UTY: variants seen among roughly 807,000 people sequenced by gnomAD.
The protein encoded by UTY is ubiquitously transcribed tetratricopeptide repeat containing, Y-linked, also known as histone demethylase UTY.
Under a neutral mutation model 32.5 loss-of-function variants are expected in UTY, and 12 were observed. The observed-to-expected ratio is 0.37, with a 90% confidence interval of 0.24 to 0.60. The LOEUF is 0.60. Ranked by LOEUF, UTY falls within the 20% of genes least tolerant of loss-of-function variation. UTY has a pLI of 0.69. For missense variants in UTY, 303 were observed against 299.2 expected (o/e 1.01, Z -0.09); for synonymous variants, 131 against 103.4 (o/e 1.27, Z -1.62).
intron 17 of UTY, among the ~76,000 whole-genome samples, chrY:13,352,814 G>T (rs2062530688): frequency 2.9e-5 from 1 of 34,032 alleles, no homozygotes; most frequent in South Asian, 6.4e-4. Flanking sequence ...AGTTTTAGTG[G>T]TCTAGATAAA....
At chrY:13,471,096 G>C (rs2078440364) in intron 2 of UTY, among the ~76,000 whole-genome samples, 1 of 33,806 alleles carries the variant, frequency 3.0e-5, no homozygotes, top group South Asian at 6.3e-4. Context: ...GCTGCAAATA[G>C]AGTTGTTACT....
intron 18 of UTY, among the ~76,000 whole-genome samples, chrY:13,334,731 T>C (rs2060935551): frequency 3.0e-5 from 1 of 33,419 alleles, no homozygotes; most frequent in Non-Finnish European, 7.4e-5. Flanking sequence ...AATAGTATGC[T>C]TTTACACTGT....
chrY:13,355,701 A>C lies in UTY; in HGVS notation c.1665+222T>G, dbSNP rs2062821720. 1.2e-5 allele frequency: 4 copies of C among 343,793 alleles called. No individual in the cohort carries two copies. In the African/African-American group the frequency reaches 2.1e-4, roughly 18 times the overall value. 85.8% of individuals were successfully genotyped at this position (343,793 alleles called of 400,897 possible). The stretch of plus-strand genomic sequence containing the variant: ...TCCATTCAGTTTACATTCTTGTCAA[A>C]TCCTTCAAATCAATCATTTGGATCT... On this transcript the variant is annotated intron_variant, in intron 16 of 29. Coordinates refer to ENST00000545955, the MANE Select transcript of UTY (RefSeq NM_001258249.2).
At chrY:13,292,355 A>G (rs2057804491) in intron 27 of UTY, among the ~76,000 whole-genome samples, 1 of 28,985 alleles carries the variant, frequency 3.5e-5, no homozygotes, top group Non-Finnish European at 8.2e-5. Flanking sequence ...AGGCCGAGGC[A>G]GGAGAATTGC....
At chrY:13,462,592 G>A in intron 3 of UTY, among the ~76,000 whole-genome samples, 1 of 32,806 alleles carries the variant, frequency 3.0e-5, no homozygotes, top group African/African-American at 1.2e-4. Context: ...GGACATGCAG[G>A]TTGTAGCAGG....
chrY:13,394,832 T>A (rs2067955700), intron 7 of UTY, among the ~76,000 whole-genome samples: 1 of 32,657 alleles, frequency 3.1e-5, no homozygotes, highest in African/African-American at 1.2e-4. Flanking sequence ...AAATTATACC[T>A]GGGAGGGTTG....
intron 18 of UTY, among the ~76,000 whole-genome samples, chrY:13,335,045 C>T (rs2060955561): frequency 6.0e-5 from 2 of 33,144 alleles, no homozygotes; most frequent in South Asian, 6.8e-4. Context: ...TGTGGAGACA[C>T]GGATGAAGCC....
chrY:13,414,063 C>T (rs567765817), intron 5 of UTY, among the ~76,000 whole-genome samples: 12 of 34,180 alleles, frequency 3.5e-4, no homozygotes, highest in African/African-American at 9.1e-4. Flanking sequence ...TTCTGCCTTT[C>T]GATTCCAATG....
chrY:13,282,125 T>C, intron 27 of UTY, among the ~76,000 whole-genome samples: 1 of 33,684 alleles, frequency 3.0e-5, no homozygotes, highest in Non-Finnish European at 7.3e-5. Context: ...CTTTTGAAAG[T>C]ATAAAAGCAA....
chrY:13,343,388 C>G, intron 17 of UTY, among the ~76,000 whole-genome samples: 1 of 32,554 alleles, frequency 3.1e-5, no homozygotes, highest in Non-Finnish European at 7.5e-5. Flanking sequence ...ATATCAAGAA[C>G]TTTTGTGTGG....
chrY:13,467,001 G>A, intron 3 of UTY, among the ~76,000 whole-genome samples: 1 of 33,892 alleles, frequency 3.0e-5, no homozygotes, highest in African/African-American at 1.2e-4. Flanking sequence ...TGCCTCCAGG[G>A]TTCAGGCAAT....
chrY:13,256,585 AC>A (rs2054750224), intron 28 of UTY, among the ~76,000 whole-genome samples: 1 of 33,981 alleles, frequency 2.9e-5, no homozygotes, highest in Admixed American at 2.7e-4. Flanking sequence ...GGGTCTAGTA[AC>A]GGTAAAGCTT....
chrY:13,463,027 C>T, intron 3 of UTY, among the ~76,000 whole-genome samples: 1 of 28,973 alleles, frequency 3.5e-5, no homozygotes, highest in Non-Finnish European at 8.2e-5. Context: ...CCCCCCAACC[C>T]CACAACAGGC....
At chrY:13,386,618 C>T in intron 8 of UTY, among the ~76,000 whole-genome samples, 1 of 32,362 alleles carries the variant, frequency 3.1e-5, no homozygotes, top group African/African-American at 1.2e-4. Context: ...GGTGCTAAAA[C>T]TAATTCTAGT....
At chrY:13,378,832 C>A in intron 8 of UTY, among the ~76,000 whole-genome samples, 1 of 32,137 alleles carries the variant, frequency 3.1e-5, no homozygotes, top group Non-Finnish European at 7.6e-5. Flanking sequence ...GCAGCTGGGA[C>A]TACAGGTGCG....
intron 3 of UTY, among the ~76,000 whole-genome samples, chrY:13,468,440 C>G (rs747525984): frequency 1.2e-4 from 4 of 32,653 alleles, no homozygotes; most frequent in African/African-American, 4.8e-4. Flanking sequence ...CTTTGGGAGG[C>G]TGAGGCGGGC....
At chrY:13,410,402 A>G (rs2070755159) in intron 6 of UTY, among the ~76,000 whole-genome samples, 1 of 33,582 alleles carries the variant, frequency 3.0e-5, no homozygotes, top group Non-Finnish European at 7.4e-5. Context: ...CAAAAAAGTA[A>G]AAAAAATTTG....
At chrY:13,416,973 T>C in intron 4 of UTY, among the ~76,000 whole-genome samples, 1 of 33,905 alleles carries the variant, frequency 2.9e-5, no homozygotes, top group Non-Finnish European at 7.3e-5. Flanking sequence ...AGTATAATAA[T>C]GAACTGGTAA....
At chrY:13,305,070 G>A in intron 24 of UTY, among the ~76,000 whole-genome samples, 1 of 30,959 alleles carries the variant, frequency 3.2e-5, no homozygotes, top group Non-Finnish European at 7.7e-5. Context: ...CATAACTTCA[G>A]TAAACTGGTT....
Sources: allele counts gnomAD v4.1 joint callset (sites outside exome capture counted in the v4.1 genomes callset), GRCh38; gene constraint gnomAD v4.1.1; transcripts MANE v1.5; gene names NCBI Gene and HGNC (gene_info 2026-07-23, HGNC 2026-07-21).